DDN: variants seen among roughly 807,000 people sequenced by gnomAD.
DDN encodes dendrin.
Under a neutral mutation model 7.3 loss-of-function variants are expected in DDN, and 4 were observed. The observed-to-expected ratio is 0.55, with a 90% CI of 0.27 to 1.25. The LOEUF (loss-of-function observed/expected upper bound fraction) is 1.25, where lower values mean the gene tolerates loss of function less well. Ranked by LOEUF, DDN falls within the 50% of genes most tolerant of loss-of-function variation. The pLI is 0.12. For synonymous variants in DDN, 425 were observed against 424.3 expected, an observed-to-expected ratio of 1.00 and a Z score of -0.02; for missense variants, 933 against 974.7, an observed-to-expected ratio of 0.96 and a Z score of 0.57.
In DDN at chr12:48,996,212, C is replaced by T. The variant is rs1444825880; in HGVS notation, c.*528G>A. 1 of 152,786 alleles carries T rather than the reference C, an allele frequency of 6.5e-6. No individual in the cohort carries two copies. Among genetic ancestry groups the T allele is most frequent in the African/African-American group, 2.4e-5 (1 of 41,442 alleles). 9.5% of individuals were successfully genotyped at this position (152,786 alleles called of 1,614,324 possible). A position where few individuals can be genotyped will look rare whatever the true frequency, so the allele number is the denominator to read the frequency against. Reference sequence around the variant, plus strand: ...AAAGTGACTGGCCTCAGTCAACCAGCAACTCAGTGGCAGAGTTGGGATTGA... The same window carrying T: ...AAAGTGACTGGCCTCAGTCAACCAGTAACTCAGTGGCAGAGTTGGGATTGA... On this transcript the variant is annotated 3_prime_UTR_variant, in exon 2 of 2. Coordinates refer to ENST00000421952, the MANE Select transcript of DDN (RefSeq NM_015086.2).
rs1941249346 is a variant in DDN, at chr12:48,998,417, C to T, written c.459G>A (p.Val153=). ...GAGCAGGGAGCCCTGCCAGCTGGGC[C>T]ACCCGAGGGGCGTTGCGGGGCTCCG... ...PRPEPRNAPR[V]AQLAGLPAPL... Residue 153 remains valine, a synonymous_variant, in exon 2 of 2, where the codon GTG becomes GTA. Transcript: ENST00000421952. The T allele has an allele frequency of 2.3e-5, 34 of 1,507,910 alleles. No individual in the cohort carries two copies. The highest frequency in any genetic ancestry group is 2.9e-5 in the Non-Finnish European group (33 of 1,138,160). 93.4% of individuals were successfully genotyped at this position (1,507,910 alleles called of 1,614,324 possible).
In DDN at chr12:48,999,291, G is replaced by GGGCCCCCCCCC; in HGVS notation, c.-5_-4insGGGGGGGGGCC. 1 of 1,510,108 alleles carries GGGCCCCCCCCC rather than the reference G, an allele frequency of 6.6e-7. No homozygotes were observed. The highest frequency in any genetic ancestry group is 8.9e-7 in the Non-Finnish European group (1 of 1,125,618). The allele number at this position is 1,510,108 out of a possible 1,614,324, so 93.5% of individuals were successfully genotyped here. ...AGAACAGTGGGCCATCCAGCATCCT[G>GGGCCCCCCCCC]CCCCACCCCACCCCGGCCCCCCACC... On this transcript the variant is annotated 5_prime_UTR_variant, in exon 1 of 2. Coordinates refer to ENST00000421952, the MANE Select transcript of DDN (RefSeq NM_015086.2).
Position 48,997,027 on chromosome 12 carries a change from G to C in DDN, c.1849C>G (p.Arg617Gly). The C allele has an allele frequency of 6.4e-7, 1 of 1,562,788 alleles. No homozygotes were observed. ...YAGALREAVS[R>G]IRRHTAPDSD... is the part of the protein sequence containing the mutation. ...TCAGGGGCTGTGTGGCGGCGGATAC[G>C]GGACACGGCTTCTCGCAGGGCCCCG... The change falls in exon 2 of 2, where the codon CGT becomes GGT. Residue 617 changes from arginine (R) to glycine (G), a missense_variant. Physicochemically the swap from Arg to Gly is moderately radical, Grantham distance 125 (BLOSUM62 -2). Transcript: ENST00000421952.
In DDN at chr12:48,997,922, C is replaced by G. The variant is rs1339906972; in HGVS notation, c.954G>C (p.Leu318=). Residue 318 remains leucine (L), a synonymous_variant, in exon 2 of 2, where the codon CTG becomes CTC. Coordinates refer to ENST00000421952, the MANE Select transcript of DDN (RefSeq NM_015086.2). ...EPGKGVVEKS[L]GLAAADLNSG... is the part of the protein sequence containing the mutation. ...TGTTCAGGTCAGCAGCAGCCAGCCC[C>G]AGGCTTTTCTCCACGACCCCCTTGC... 1 of 1,612,798 alleles carries G rather than the reference C, an allele frequency of 6.2e-7. No homozygotes were observed. Among genetic ancestry groups the G allele is most frequent in the Non-Finnish European group, 8.5e-7 (1 of 1,180,016 alleles).
At position 48,999,291 on chromosome 12, in the gene DDN, G is replaced by GCCCCCCCCCCCCCCC; in HGVS notation, c.-5_-4insGGGGGGGGGGGGGGG. 6.6e-7 allele frequency: 1 copy of GCCCCCCCCCCCCCCC among 1,510,106 alleles called. No homozygotes were observed. 93.5% of individuals were successfully genotyped at this position (1,510,106 alleles called of 1,614,324 possible). On this transcript the variant is annotated 5_prime_UTR_variant, in exon 1 of 2. Transcript: ENST00000421952. ...AGAACAGTGGGCCATCCAGCATCCTGCCCCACCCCACCCCGGCCCCCCACC... is the reference window on the plus strand; with the variant it reads ...AGAACAGTGGGCCATCCAGCATCCTGCCCCCCCCCCCCCCCCCCCACCCCACCCCGGCCCCCCACC...
Position 48,998,624 on chromosome 12 carries a change from C to A in DDN, c.252G>T (p.Arg84=), listed in dbSNP as rs1163413848. 1.5e-5 allele frequency: 24 copies of A among 1,551,456 alleles called. No individual in the cohort carries two copies. The highest frequency in any genetic ancestry group is 2.1e-5 in the Non-Finnish European group (24 of 1,158,148). ...RPGSPQPPPR[R]PWASRVLQEA... is the part of the protein sequence containing the mutation. ...CCTGCAGCACCCTGGAGGCCCAGGGCCGGCGGGGCGGCGGCTGTGGGGATC... is the reference window on the plus strand; with the variant it reads ...CCTGCAGCACCCTGGAGGCCCAGGGACGGCGGGGCGGCGGCTGTGGGGATC... Residue 84 remains arginine, a synonymous_variant, in exon 2 of 2, where the codon CGG becomes CGT. Coordinates refer to ENST00000421952, the MANE Select transcript of DDN (RefSeq NM_015086.2).
In DDN at chr12:48,997,663, A is replaced by G; in HGVS notation, c.1213T>C (p.Trp405Arg). 1 of 1,553,366 alleles carries G rather than the reference A, an allele frequency of 6.4e-7. No homozygotes were observed. The highest frequency in any genetic ancestry group is 8.7e-7 in the Non-Finnish European group (1 of 1,148,638). ...PRHSQTLPRP[W>R]APGGTGWRES... ...CTCCATCCGGTGCCTCCGGGAGCCC[A>G]GGGTCTGGGGAGTGTCTGGCTATGG... The change falls in exon 2 of 2, where the codon TGG (tryptophan) becomes CGG (arginine). Residue 405 changes from tryptophan (W) to arginine (R), a missense_variant. Coordinates refer to ENST00000421952, the MANE Select transcript of DDN (RefSeq NM_015086.2).
At chr12:48,998,981 G>C in intron 1 of DDN, 98 bp downstream of exon 1, 1 of 1,366,334 alleles carries the variant, frequency 7.3e-7, no homozygotes, top group East Asian at 2.3e-5. Context: ...GCGTGGGAAA[G>C]AGAAGGGGGA....
chr12:48,999,100 G>T lies in DDN; in HGVS notation c.188C>A (p.Ala63Asp). The T allele has an allele frequency of 2.5e-6, 4 of 1,614,092 alleles. No homozygotes were observed. The South Asian group carries it at 4.4e-5, about 18-fold the overall frequency. ...TCACGTGCGGTTCTGGAACCCGCGA[G>T]CCCAGTGGCTGGCCTGGAAGTCCAT... is the stretch of plus-strand genomic sequence containing the variant. ...QPMDFQASHW[A>D]RGFQNRTCGP... Residue 63 changes from alanine to aspartate, a missense_variant, in exon 1 of 2, where the codon GCT becomes GAT. By Grantham distance (126) the Ala-to-Asp change is moderately radical. Coordinates refer to ENST00000421952, the MANE Select transcript of DDN (RefSeq NM_015086.2).
chr12:48,997,338 C>A lies in DDN; in HGVS notation c.1538G>T (p.Arg513Leu). The A allele has an allele frequency of 1.2e-6, 2 of 1,610,556 alleles. No individual in the cohort carries two copies. The highest frequency in any genetic ancestry group is 2.2e-5 in the East Asian group (1 of 44,704). Reference protein sequence around the residue: ...ATVFPSPCQKRLSSSRLLHQP... With the variant: ...ATVFPSPCQKLLSSSRLLHQP... ...GTGTAAAAGGCGACTGCTCGACAGCCGCTTTTGACAAGGGGAAGGAAAGAC... is the reference window on the plus strand; with the variant it reads ...GTGTAAAAGGCGACTGCTCGACAGCAGCTTTTGACAAGGGGAAGGAAAGAC... The change falls in exon 2 of 2, where the codon CGG becomes CTG. Residue 513 changes from arginine to leucine, a missense_variant. Physicochemically the swap from Arg to Leu is moderately radical, Grantham distance 102 (BLOSUM62 -2). Transcript: ENST00000421952.
At position 48,998,605 on chromosome 12, in the gene DDN, G is replaced by A. The variant is rs754515705; in HGVS notation, c.271C>T (p.Leu91=). ...PPRRPWASRV[L]QEATNWRAGP... is the part of the protein sequence containing the mutation. ...GCCCGCCAGTTGGTCGCCTCCTGCAGCACCCTGGAGGCCCAGGGCCGGCGG... is the reference window on the plus strand; with the variant it reads ...GCCCGCCAGTTGGTCGCCTCCTGCAACACCCTGGAGGCCCAGGGCCGGCGG... Residue 91 remains leucine, a synonymous_variant, in exon 2 of 2, where the codon CTG becomes TTG. Transcript: ENST00000421952. The A allele has an allele frequency of 4.4e-6, 7 of 1,581,650 alleles. No individual in the cohort carries two copies. Among genetic ancestry groups the A allele is most frequent in the African/African-American group, 1.4e-5 (1 of 73,554 alleles).
chr12:48,998,673 C>G lies in DDN; in HGVS notation c.210-7G>C. Reference sequence around the variant, plus strand: ...TCCCGGGCGCGGCCCACACCTGGGACAATGAGCAGGAACCCAGGTGAGCAG... The same window carrying G: ...TCCCGGGCGCGGCCCACACCTGGGAGAATGAGCAGGAACCCAGGTGAGCAG... On this transcript the variant is annotated splice_region_variant and splice_polypyrimidine_tract_variant and intron_variant, in intron 1 of 1. Transcript: ENST00000421952. 6.7e-7 allele frequency: 1 copy of G among 1,490,714 alleles called. No individual in the cohort carries two copies. Among genetic ancestry groups the G allele is most frequent in the South Asian group, 1.3e-5 (1 of 75,550 alleles). 92.3% of individuals were successfully genotyped at this position (1,490,714 alleles called of 1,614,324 possible).
Position 48,999,326 on chromosome 12 carries a change from G to GC in DDN, c.-40dup. On this transcript the variant is annotated 5_prime_UTR_variant, in exon 1 of 2. Transcript: ENST00000421952. ...ACCCCGGCCCCCCACCCTCCCACCCGCCCCAGGAGCCCCCTCCCAGCCCAG... is the reference window on the plus strand; with the variant it reads ...ACCCCGGCCCCCCACCCTCCCACCCGCCCCCAGGAGCCCCCTCCCAGCCCAG... The GC allele has an allele frequency of 8.6e-7, 1 of 1,169,064 alleles. No individual in the cohort carries two copies. The highest frequency in any genetic ancestry group is 1.1e-6 in the Non-Finnish European group (1 of 937,666). The allele number at this position is 1,169,064 out of a possible 1,614,324, so 72.4% of individuals were successfully genotyped here.
rs1941212118 is a variant in DDN at position 48,996,879 on chromosome 12, G to T, written c.1997C>A (p.Ser666Ter). The T allele has an allele frequency of 6.2e-7, 1 of 1,614,104 alleles. No individual in the cohort carries two copies. Among genetic ancestry groups the T allele is most frequent in the Non-Finnish European group, 8.5e-7 (1 of 1,180,010 alleles). The change falls in exon 2 of 2, where the codon TCG (serine) becomes TAG (stop). Residue 666 changes from serine to a stop codon, truncating the protein, a stop_gained. Coordinates refer to ENST00000421952, the MANE Select transcript of DDN (RefSeq NM_015086.2). LOFTEE classifies it low-confidence loss of function (END_TRUNC). Reference protein sequence around the residue: ...ERTLPEVGNSSPEEDGKTAEL... With the variant: ...ERTLPEVGNS The stretch of plus-strand genomic sequence containing the variant: ...CGCTGTCTTCCCATCTTCCTCTGGC[G>T]AACTGTTTCCAACCTCGGGCAGGGT...
chr12:48,997,906 C>A lies in DDN; in HGVS notation c.970G>T (p.Asp324Tyr), dbSNP rs777982524. The A allele has an allele frequency of 1.9e-6, 3 of 1,612,672 alleles. No homozygotes were observed. The highest frequency in any genetic ancestry group is 2.5e-6 in the Non-Finnish European group (3 of 1,179,988). ...VEKSLGLAAA[D>Y]LNSGSDSHPQ... is the part of the protein sequence containing the mutation. ...TGGCTGTCGCTACCACTGTTCAGGT[C>A]AGCAGCAGCCAGCCCCAGGCTTTTC... is the stretch of plus-strand genomic sequence containing the variant. Residue 324 changes from aspartate (D) to tyrosine (Y), a missense_variant, in exon 2 of 2, where the codon GAC (aspartate) becomes TAC (tyrosine). Transcript: ENST00000421952.
chr12:48,997,961 T>C lies in DDN; in HGVS notation c.915A>G (p.Ala305=), dbSNP rs761185952. ...CGACCCCCTTGCCGGGCTCTGGCCT[T>C]GCTCTGGCCGCTCCACAGCCTGGGG... ...GGSPGCGAAR[A]RPEPGKGVVE... Residue 305 remains alanine, a synonymous_variant, in exon 2 of 2, where the codon GCA becomes GCG. Coordinates refer to ENST00000421952, the MANE Select transcript of DDN (RefSeq NM_015086.2). 5.6e-6 allele frequency: 9 copies of C among 1,613,068 alleles called. No homozygotes were observed. In the South Asian group the frequency reaches 8.8e-5, roughly 16 times the overall value.
chr12:48,998,444 GC>G lies in DDN; in HGVS notation c.431del (p.Arg144ProfsTer66). 1 of 1,533,920 alleles carries G rather than the reference GC, an allele frequency of 6.5e-7. No homozygotes were observed. Among genetic ancestry groups the G allele is most frequent in the Non-Finnish European group, 8.7e-7 (1 of 1,150,560 alleles). ...GARRSPPGRP[R>X]PEPRNAPRVA... ...CCCGAGGGGCGTTGCGGGGCTCCGGGCGGGGTCGACCCGGGGGGCTCCGTCG... is the reference window on the plus strand; with the variant it reads ...CCCGAGGGGCGTTGCGGGGCTCCGGGGGGGTCGACCCGGGGGGCTCCGTCG... On this transcript the variant is annotated frameshift_variant, in exon 2 of 2. Transcript: ENST00000421952. LOFTEE classifies it low-confidence loss of function (END_TRUNC).
Position 48,996,853 on chromosome 12 carries a change from C to T in DDN, c.2023G>A (p.Glu675Lys). ...SSPEEDGKTA[E>K]LSDSVGEILD... ...ATCTCCCCGACACTGTCGCTCAGTT[C>T]CGCTGTCTTCCCATCTTCCTCTGGC... is the stretch of plus-strand genomic sequence containing the variant. Residue 675 changes from glutamate (E) to lysine (K), a missense_variant, in exon 2 of 2, where the codon GAA becomes AAA. By Grantham distance (56) the Glu-to-Lys change is moderately conservative. Coordinates refer to ENST00000421952, the MANE Select transcript of DDN (RefSeq NM_015086.2). 2 of 1,614,246 alleles carry T rather than the reference C, an allele frequency of 1.2e-6. No homozygotes were observed. The highest frequency in any genetic ancestry group is 1.7e-6 in the Non-Finnish European group (2 of 1,180,046).
At chr12:48,998,728 G>T in intron 1 of DDN, 62 bp from the exon 2 acceptor site, 1 of 1,428,398 alleles carries the variant, frequency 7.0e-7, no homozygotes, top group Non-Finnish European at 9.1e-7. Context: ...GAGGTCCGGG[G>T]AGCTGGGAGC....
Sources: gnomAD v4.1 joint callset for allele counts on GRCh38, gnomAD v4.1.1 for gene constraint, MANE v1.5 for transcripts, NCBI Gene and HGNC (gene_info 2026-07-23, HGNC 2026-07-21) for gene names.